The following SRARP variants were observed in gnomAD, a reference collection of about 807,000 sequenced individuals.
SRARP encodes steroid receptor-associated and regulated protein.
SRARP carries 5 observed loss-of-function variants against 3.6 expected under a neutral mutation model. The ratio of observed to expected loss-of-function variants is 1.39; its 90% CI spans 0.73 to 2.93. The LOEUF (loss-of-function observed/expected upper bound fraction) is 2.93, where lower values mean the gene tolerates loss of function less well. Among genes scored for constraint, SRARP ranks in the 30% most tolerant of loss-of-function variants. SRARP has a pLI of 0.00. For synonymous variants in SRARP, 96 were observed against 91.6 expected (o/e 1.05, Z -0.27); for missense variants, 215 against 216.7 (o/e 0.99, Z 0.05).
chr1:16,004,510 C>T (rs1345536461), intron 1 of SRARP, 125 bp downstream of exon 1: 14 of 757,492 alleles, frequency 1.8e-5, no homozygotes, highest in East Asian at 6.4e-5. Context: ...GTCAGGAGTT[C>T]GAGACCAGCT....
At chr1:16,004,713 C>CAA (rs1190178584) in intron 1 of SRARP, among the ~76,000 whole-genome samples, 1,264 of 31,036 alleles carry the variant, frequency 0.041, 80 homozygotes, top group Middle Eastern at 0.071. Context: ...GACTCCATCT[C>CAA]AAAAAAAAAA....
chr1:16,004,991 G>A (rs2073119078), intron 1 of SRARP, among the ~76,000 whole-genome samples: 1 of 152,224 alleles, frequency 6.6e-6, no homozygotes, highest in Non-Finnish European at 1.5e-5. Flanking sequence ...CAATTGCTCA[G>A]ACACCTGCTT....
intron 1 of SRARP, among the ~76,000 whole-genome samples, chr1:16,004,710 T>A: frequency 1.3e-5 from 1 of 77,538 alleles, no homozygotes; most frequent in Non-Finnish European, 2.4e-5. Flanking sequence ...TGAGACTCCA[T>A]CTCAAAAAAA....
chr1:16,005,414 G>T (rs1763613), intron 1 of SRARP, among the ~76,000 whole-genome samples: 25,312 of 152,046 alleles, frequency 0.17, 2,222 homozygotes, highest in East Asian at 0.28. Context: ...CTGACATGTT[G>T]GACTCTGTGT....
rs1388039516 is a variant in SRARP at position 16,008,358 on chromosome 1, T to A, written c.*2012T>A. On this transcript the variant is annotated 3_prime_UTR_variant, in exon 2 of 2. Transcript: ENST00000329454. ...CATTCATTTATTCACCAAGTATTTATTGGGCATCCACTGAATGCCAGGCTT... is the reference window on the plus strand; with the variant it reads ...CATTCATTTATTCACCAAGTATTTAATGGGCATCCACTGAATGCCAGGCTT... 6.6e-6 allele frequency: 1 copy of A among 150,934 alleles called. No homozygotes were observed. The highest frequency in any genetic ancestry group is 2.5e-5 in the African/African-American group (1 of 40,216). 9.3% of individuals were successfully genotyped at this position (150,934 alleles called of 1,614,324 possible). A position where few individuals can be genotyped will look rare whatever the true frequency, so the allele number is the denominator to read the frequency against.
At position 16,006,247 on chromosome 1, in the gene SRARP, G is replaced by A. The variant is rs1242563928; in HGVS notation, c.411G>A (p.Gly137=). ...LCPQEVPEAK[G]KPVKAAPVRS... ...CCCAGGAGGTTCCCGAGGCTAAGGG[G>A]AAACCCGTGAAGGCTGCGCCTGTGA... The change falls in exon 2 of 2, where the codon GGG becomes GGA. Residue 137 remains glycine, a synonymous_variant. Transcript: ENST00000329454. 2.5e-6 allele frequency: 4 copies of A among 1,613,898 alleles called. No homozygotes were observed. The highest frequency in any genetic ancestry group is 8.5e-7 in the Non-Finnish European group (1 of 1,180,052).
rs2073139340 is a variant in SRARP, at chr1:16,007,968, T to C, written c.*1622T>C. On this transcript the variant is annotated 3_prime_UTR_variant, in exon 2 of 2. Coordinates refer to ENST00000329454, the MANE Select transcript of SRARP (RefSeq NM_178840.4). ...GCAAGTCTGGTGCCCATATTCTTGCTTGTAACTGTAAGGTATATACCCTCT... is the reference window on the plus strand; with the variant it reads ...GCAAGTCTGGTGCCCATATTCTTGCCTGTAACTGTAAGGTATATACCCTCT... 1 of 152,224 alleles carries C rather than the reference T, an allele frequency of 6.6e-6. No homozygotes were observed. The highest frequency in any genetic ancestry group is 6.5e-5 in the Admixed American group (1 of 15,284). The allele number at this position is 152,224 out of a possible 1,614,324, so 9.4% of individuals were successfully genotyped here. A position where few individuals can be genotyped will look rare whatever the true frequency, so the allele number is the denominator to read the frequency against.
At position 16,007,015 on chromosome 1, in the gene SRARP, G is replaced by A. The variant is rs1175643040; in HGVS notation, c.*669G>A. Reference sequence around the variant, plus strand: ...GGGATACCACGTGGGGAGACTCGAGGGCCATGCCAGTTGGGGCTGGGAGGC... The same window carrying A: ...GGGATACCACGTGGGGAGACTCGAGAGCCATGCCAGTTGGGGCTGGGAGGC... On this transcript the variant is annotated 3_prime_UTR_variant, in exon 2 of 2. Coordinates refer to ENST00000329454, the MANE Select transcript of SRARP (RefSeq NM_178840.4). 1.3e-5 allele frequency: 2 copies of A among 152,186 alleles called. No individual in the cohort carries two copies. The highest frequency in any genetic ancestry group is 4.8e-5 in the African/African-American group (2 of 41,418). 9.4% of individuals were successfully genotyped at this position (152,186 alleles called of 1,614,324 possible). A position where few individuals can be genotyped will look rare whatever the true frequency, so the allele number is the denominator to read the frequency against.
At position 16,007,988 on chromosome 1, in the gene SRARP, C is replaced by A. The variant is rs1452595558; in HGVS notation, c.*1642C>A. 1.3e-5 allele frequency: 2 copies of A among 152,182 alleles called. No individual in the cohort carries two copies. Among genetic ancestry groups the A allele is most frequent in the Non-Finnish European group, 2.9e-5 (2 of 68,038 alleles). 9.4% of individuals were successfully genotyped at this position (152,182 alleles called of 1,614,324 possible). A position where few individuals can be genotyped will look rare whatever the true frequency, so the allele number is the denominator to read the frequency against. The stretch of plus-strand genomic sequence containing the variant: ...CTTGCTTGTAACTGTAAGGTATATA[C>A]CCTCTCATCCTGGTAGCGTCTCTTC... On this transcript the variant is annotated 3_prime_UTR_variant, in exon 2 of 2. Transcript: ENST00000329454.
chr1:16,005,739 G>A (rs2073123377), intron 1 of SRARP, among the ~76,000 whole-genome samples, 180 bp from the exon 2 acceptor site: 1 of 152,156 alleles, frequency 6.6e-6, no homozygotes, highest in Admixed American at 6.5e-5. Context: ...CAGGCATGGT[G>A]GCATGAGCCT....
At position 16,006,019 on chromosome 1, in the gene SRARP, A is replaced by C. The variant is rs758204813; in HGVS notation, c.183A>C (p.Ala61=). Residue 61 remains alanine, a synonymous_variant, in exon 2 of 2, where the codon GCA becomes GCC. Coordinates refer to ENST00000329454, the MANE Select transcript of SRARP (RefSeq NM_178840.4). The part of the protein sequence containing the change: ...HGKQLSLAAT[A]SPPQAPSPNR... ...AGCAGCTCTCCCTGGCAGCAACCGC[A>C]TCACCACCCCAAGCCCCCAGTCCCA... 1.2e-6 allele frequency: 2 copies of C among 1,613,874 alleles called. No homozygotes were observed. The highest frequency in any genetic ancestry group is 1.7e-5 in the Admixed American group (1 of 59,990).
chr1:16,008,031 CAG>C lies in SRARP; in HGVS notation c.*1688_*1689del, dbSNP rs1442405462. ...GTCTCTTCTAGGCAGAGGGGACACA[CAG>C]AGGATAAATGTAACCCTGTCCTCAA... On this transcript the variant is annotated 3_prime_UTR_variant, in exon 2 of 2. Transcript: ENST00000329454. The C allele has an allele frequency of 6.6e-6, 1 of 152,222 alleles. No homozygotes were observed. Among genetic ancestry groups the C allele is most frequent in the African/African-American group, 2.4e-5 (1 of 41,440 alleles). 9.4% of individuals were successfully genotyped at this position (152,222 alleles called of 1,614,324 possible). A position where few individuals can be genotyped will look rare whatever the true frequency, so the allele number is the denominator to read the frequency against.
Position 16,006,421 on chromosome 1 carries a change from G to A in SRARP, c.*75G>A, listed in dbSNP as rs2073129857. 2.1e-6 allele frequency: 3 copies of A among 1,423,300 alleles called. No homozygotes were observed. Among genetic ancestry groups the A allele is most frequent in the African/African-American group, 1.4e-5 (1 of 69,458 alleles). 88.2% of individuals were successfully genotyped at this position (1,423,300 alleles called of 1,614,324 possible). A position where few individuals can be genotyped will look rare whatever the true frequency, so the allele number is the denominator to read the frequency against. On this transcript the variant is annotated 3_prime_UTR_variant, in exon 2 of 2. Transcript: ENST00000329454. ...GCCCTGCTTCCCCAGCTAAGCAGGA[G>A]TCTTTTGTGCTTGAGCCAAGGAAAC...
In SRARP at chr1:16,005,901, T is replaced by A. The variant is rs770363002; in HGVS notation, c.83-18T>A. 1 of 1,529,160 alleles carries A rather than the reference T, an allele frequency of 6.5e-7. No homozygotes were observed. The highest frequency in any genetic ancestry group is 1.4e-5 in the African/African-American group (1 of 71,788). 94.7% of individuals were successfully genotyped at this position (1,529,160 alleles called of 1,614,324 possible). On this transcript the variant is annotated intron_variant, in intron 1 of 1. Coordinates refer to ENST00000329454, the MANE Select transcript of SRARP (RefSeq NM_178840.4). ...GTCCCCTGCTTGTGCTAACTTTTGGTCTTTTCCTCTCTTCTAGGTGGGAAG... is the reference window on the plus strand; with the variant it reads ...GTCCCCTGCTTGTGCTAACTTTTGGACTTTTCCTCTCTTCTAGGTGGGAAG...
In SRARP at chr1:16,006,384, TCCCAGGGCCTGG is replaced by T; in HGVS notation, c.*42_*53del. ...GGCTCTGATGCCCAGAGGCTGCAATTCCCAGGGCCTGGCCCTGCTTCCCCAGCTAAGCAGGAG... is the reference window on the plus strand; with the variant it reads ...GGCTCTGATGCCCAGAGGCTGCAATTCCCTGCTTCCCCAGCTAAGCAGGAG... On this transcript the variant is annotated 3_prime_UTR_variant, in exon 2 of 2. Coordinates refer to ENST00000329454, the MANE Select transcript of SRARP (RefSeq NM_178840.4). 6.6e-7 allele frequency: 1 copy of T among 1,526,452 alleles called. No homozygotes were observed. The highest frequency in any genetic ancestry group is 8.8e-7 in the Non-Finnish European group (1 of 1,131,372). The allele number at this position is 1,526,452 out of a possible 1,614,324, so 94.6% of individuals were successfully genotyped here. A position where few individuals can be genotyped will look rare whatever the true frequency, so the allele number is the denominator to read the frequency against.
Position 16,008,723 on chromosome 1 carries a change from G to C in SRARP, c.*2377G>C, listed in dbSNP as rs1212357198. The C allele has an allele frequency of 6.6e-6, 1 of 152,196 alleles. No homozygotes were observed. The highest frequency in any genetic ancestry group is 1.5e-5 in the Non-Finnish European group (1 of 68,056). 9.4% of individuals were successfully genotyped at this position (152,196 alleles called of 1,614,324 possible). ...GGAAGCTGAGGTGAGAGAATTGCTT[G>C]AACCTAGAAGGCAGAGGTTGCAGTG... On this transcript the variant is annotated 3_prime_UTR_variant, in exon 2 of 2. Coordinates refer to ENST00000329454, the MANE Select transcript of SRARP (RefSeq NM_178840.4).
Position 16,006,631 on chromosome 1 carries a change from G to T in SRARP, c.*285G>T. The T allele has an allele frequency of 2.7e-6, 1 of 376,822 alleles. No homozygotes were observed. The highest frequency in any genetic ancestry group is 4.7e-6 in the Non-Finnish European group (1 of 211,552). 23.3% of individuals were successfully genotyped at this position (376,822 alleles called of 1,614,324 possible). A position where few individuals can be genotyped will look rare whatever the true frequency, so the allele number is the denominator to read the frequency against. On this transcript the variant is annotated 3_prime_UTR_variant, in exon 2 of 2. Coordinates refer to ENST00000329454, the MANE Select transcript of SRARP (RefSeq NM_178840.4). ...TTCCTGGAGCTGGTATTTTTGGGGT[G>T]GAGGGAACCCACCCTGAATAAATAA...
Position 16,008,733 on chromosome 1 carries a change from G to T in SRARP, c.*2387G>T, listed in dbSNP as rs544971345. 1 of 152,168 alleles carries T rather than the reference G, an allele frequency of 6.6e-6. No individual in the cohort carries two copies. Among genetic ancestry groups the T allele is most frequent in the African/African-American group, 2.4e-5 (1 of 41,408 alleles). The allele number at this position is 152,168 out of a possible 1,614,324, so 9.4% of individuals were successfully genotyped here. ...GTGAGAGAATTGCTTGAACCTAGAA[G>T]GCAGAGGTTGCAGTGAGCCGAGATC... On this transcript the variant is annotated 3_prime_UTR_variant, in exon 2 of 2. Coordinates refer to ENST00000329454, the MANE Select transcript of SRARP (RefSeq NM_178840.4).
At position 16,007,533 on chromosome 1, in the gene SRARP, C is replaced by T. The variant is rs2073137088; in HGVS notation, c.*1187C>T. Reference sequence around the variant, plus strand: ...CACAGCTCACTGCAGCCTCAAACTCCTGGGCTCAAGTGATCCTCCTGCCTC... The same window carrying T: ...CACAGCTCACTGCAGCCTCAAACTCTTGGGCTCAAGTGATCCTCCTGCCTC... On this transcript the variant is annotated 3_prime_UTR_variant, in exon 2 of 2. Transcript: ENST00000329454. 1 of 152,338 alleles carries T rather than the reference C, an allele frequency of 6.6e-6. No individual in the cohort carries two copies. Among genetic ancestry groups the T allele is most frequent in the Admixed American group, 6.5e-5 (1 of 15,292 alleles). 9.4% of individuals were successfully genotyped at this position (152,338 alleles called of 1,614,324 possible).
Sources: gnomAD v4.1 joint callset for allele counts (sites outside exome capture counted in the v4.1 genomes callset) on GRCh38, gnomAD v4.1.1 for gene constraint, MANE v1.5 for transcripts, NCBI Gene and HGNC (gene_info 2026-07-23, HGNC 2026-07-21) for gene names.